The following ABCA13 variants were observed in gnomAD, a reference collection of about 807,000 sequenced individuals.
The protein encoded by ABCA13 is ATP-binding cassette sub-family A member 13.
A neutral mutation model predicts 478.7 loss-of-function variants in ABCA13; 476 were observed. That is an observed-to-expected ratio of 0.99 (90% CI 0.92 to 1.07). ABCA13 has a LOEUF of 1.07. ABCA13 is among the 50% of genes least tolerant of loss of function. ABCA13 has a pLI of 0.00. For synonymous variants in ABCA13, 2,252 were observed against 2,158.9 expected (o/e 1.04, Z -1.20); for missense variants, 6,060 against 5,910.6 (o/e 1.03, Z -0.83).
In ABCA13 at chr7:48,275,631, G is replaced by A; in HGVS notation, c.5965G>A (p.Asp1989Asn). Reference protein sequence around the residue: ...SLNKILNINEDTETSVQNIIS... With the variant: ...SLNKILNINENTETSVQNIIS... Reference sequence around the variant, plus strand: ...AAACAAGATCCTTAACATTAATGAAGACACAGAGACATCTGTTCAAAATAT... The same window carrying A: ...AAACAAGATCCTTAACATTAATGAAAACACAGAGACATCTGTTCAAAATAT... The change falls in exon 17 of 62, where the codon GAC becomes AAC. Residue 1989 changes from aspartate to asparagine, a missense_variant. This residue lies in a region of ABCA13 where 4,423 missense variants were observed against 4,309.1 expected (regional missense o/e 1.03). Coordinates refer to ENST00000435803, the MANE Select transcript of ABCA13 (RefSeq NM_152701.5). 1 of 1,605,690 alleles carries A rather than the reference G, an allele frequency of 6.2e-7. No homozygotes were observed. Among genetic ancestry groups the A allele is most frequent in the South Asian group, 1.1e-5 (1 of 90,452 alleles).
chr7:48,182,064 G>A (rs1467283212), intron 1 of ABCA13, among the ~76,000 whole-genome samples: 4 of 152,058 alleles, frequency 2.6e-5, no homozygotes, highest in Non-Finnish European at 5.9e-5. Context: ...CCACCTCTAT[G>A]GAGGCTGTAG....
In ABCA13 at chr7:48,403,601, T is replaced by C. The variant is rs532736252; in HGVS notation, c.11874-82T>C. 8 of 1,373,874 alleles carry C rather than the reference T, an allele frequency of 5.8e-6. No individual in the cohort carries two copies. In the East Asian group the frequency reaches 1.7e-4, roughly 30 times the overall value. 85.1% of individuals were successfully genotyped at this position (1,373,874 alleles called of 1,614,324 possible). ...TGGTTTATAACGATTTCAGCCACTG[T>C]TAGTCATTATTTCTGGAGTGAAATT... On this transcript the variant is annotated intron_variant, in intron 38 of 61. Transcript: ENST00000435803.
chr7:48,591,867 G>T (rs917398672), intron 57 of ABCA13, among the ~76,000 whole-genome samples: 40 of 151,772 alleles, frequency 2.6e-4, no homozygotes, highest in African/African-American at 9.4e-4. Flanking sequence ...GGATTCTTTG[G>T]TGGAGTCTAT....
intron 29 of ABCA13, 61 bp from the exon 30 acceptor site, chr7:48,350,582 G>T: frequency 7.0e-7 from 1 of 1,437,746 alleles, no homozygotes; most frequent in South Asian, 1.6e-5. Context: ...TCCACTATAT[G>T]AGTGGTAAGC....
intron 45 of ABCA13, among the ~76,000 whole-genome samples, chr7:48,475,458 A>ATT (rs398047655): frequency 0.02 from 2,044 of 100,378 alleles, 19 homozygotes; most frequent in East Asian, 0.033. Context: ...TGTCAATTTA[A>ATT]TTTTTTTTTT....
chr7:48,437,929 C>T (rs1192349140), intron 42 of ABCA13, among the ~76,000 whole-genome samples: 1 of 152,038 alleles, frequency 6.6e-6, no homozygotes, highest in Non-Finnish European at 1.5e-5. Flanking sequence ...AAAGTCTCAC[C>T]TTTTTATCCC....
At chr7:48,395,158 A>C (rs1483416496) in intron 38 of ABCA13, among the ~76,000 whole-genome samples, 1 of 152,208 alleles carries the variant, frequency 6.6e-6, no homozygotes, top group African/African-American at 2.4e-5. Context: ...TAGGCTGTCC[A>C]TGGGCATGAG....
At chr7:48,285,727 C>T (rs1433452701) in intron 19 of ABCA13, among the ~76,000 whole-genome samples, 1 of 152,200 alleles carries the variant, frequency 6.6e-6, no homozygotes, top group Admixed American at 6.5e-5. Context: ...GTTTGAACAA[C>T]ATAACTTATA....
intron 55 of ABCA13, among the ~76,000 whole-genome samples, chr7:48,566,895 A>T (rs749039885): frequency 6.6e-6 from 1 of 152,190 alleles, no homozygotes; most frequent in Non-Finnish European, 1.5e-5. Context: ...ACTGACCTCT[A>T]CTGTGGTTTA....
chr7:48,236,234 C>A (rs1194886500), intron 8 of ABCA13, among the ~76,000 whole-genome samples: 2 of 152,100 alleles, frequency 1.3e-5, no homozygotes, highest in Non-Finnish European at 2.9e-5. Flanking sequence ...AATGAGTTAT[C>A]CTGTTTTGCA....
chr7:48,490,032 T>C (rs1230279608), intron 48 of ABCA13, among the ~76,000 whole-genome samples: 1 of 152,236 alleles, frequency 6.6e-6, no homozygotes, highest in Non-Finnish European at 1.5e-5. Context: ...TTAATTCACA[T>C]AGACATCAAC....
chr7:48,243,465 G>A (rs1791177076), intron 10 of ABCA13, among the ~76,000 whole-genome samples: 1 of 152,214 alleles, frequency 6.6e-6, no homozygotes, highest in Admixed American at 6.5e-5. Flanking sequence ...TGAGGTGTCA[G>A]GAGTCTGGTC....
chr7:48,270,875 A>C (rs138639674), intron 16 of ABCA13, among the ~76,000 whole-genome samples: 96 of 152,276 alleles, frequency 6.3e-4, no homozygotes, highest in Non-Finnish European at 1.1e-3. Flanking sequence ...AACTCTTACA[A>C]AGTCTGAAAA....
intron 59 of ABCA13, 78 bp from the exon 60 acceptor site, chr7:48,643,210 G>C (rs564267127): frequency 2.2e-6 from 2 of 894,432 alleles, no homozygotes; most frequent in African/African-American, 1.7e-5. Context: ...TTCTCCCTCT[G>C]TGTGAAAATG....
chr7:48,305,856 C>A (rs976846523), intron 23 of ABCA13, among the ~76,000 whole-genome samples: 2 of 152,230 alleles, frequency 1.3e-5, no homozygotes, highest in Non-Finnish European at 2.9e-5. Flanking sequence ...AGCCCCCTTA[C>A]AGCTTTCCAA....
chr7:48,384,268 C>T (rs1286100497), intron 35 of ABCA13, among the ~76,000 whole-genome samples: 1 of 152,222 alleles, frequency 6.6e-6, no homozygotes, highest in Non-Finnish European at 1.5e-5. Flanking sequence ...TCCACACACT[C>T]ATTGTTCACG....
chr7:48,397,525 G>A (rs1013326927), intron 38 of ABCA13, among the ~76,000 whole-genome samples: 1 of 151,830 alleles, frequency 6.6e-6, no homozygotes, highest in Non-Finnish European at 1.5e-5. Flanking sequence ...AGGGGTCAGG[G>A]TCTGAAAGGA....
intron 1 of ABCA13, among the ~76,000 whole-genome samples, chr7:48,178,398 G>A (rs575893220): frequency 1.3e-5 from 2 of 152,250 alleles, no homozygotes; most frequent in South Asian, 4.1e-4. Flanking sequence ...ATAGTGGCCG[G>A]GCATGGTGGC....
intron 51 of ABCA13, among the ~76,000 whole-genome samples, chr7:48,512,965 T>G (rs183380056): frequency 1.3e-5 from 2 of 152,260 alleles, no homozygotes; most frequent in Non-Finnish European, 2.9e-5. Flanking sequence ...TTTATCAGGG[T>G]CACTGGGTGA....
Sources: allele counts gnomAD v4.1 joint callset (sites outside exome capture counted in the v4.1 genomes callset), GRCh38; gene constraint gnomAD v4.1.1; regional missense constraint gnomAD v4.1.1; transcripts MANE v1.5; gene names NCBI Gene and HGNC (gene_info 2026-07-23, HGNC 2026-07-21).